Variants in PAWR observed in about 807,000 individuals in gnomAD.
The protein encoded by PAWR is pro-apoptotic WT1 regulator.
PAWR carries 23 observed loss-of-function variants against 32.0 expected under a neutral mutation model. The observed-to-expected ratio is 0.72, with a 90% CI of 0.52 to 1.02. PAWR has a LOEUF of 1.02. Among genes scored for constraint, PAWR ranks in the 50% least tolerant of loss-of-function variants. The pLI is 0.00. For synonymous variants in PAWR, 226 were observed against 187.1 expected (o/e 1.21, Z -1.70); for missense variants, 457 against 437.7 (o/e 1.04, Z -0.39).
chr12:79,609,720 G>A (rs111292318), intron 4 of PAWR, among the ~76,000 whole-genome samples: 1,691 of 151,946 alleles, frequency 0.011, 40 homozygotes, highest in African/African-American at 0.038. Flanking sequence ...CCTTCAATTC[G>A]TTCATGTGAC....
In PAWR at chr12:79,594,331, T is replaced by A. The variant is rs757556515; in HGVS notation, c.934A>T (p.Arg312Ter). Residue 312 changes from arginine to a stop codon, truncating the protein, a stop_gained and splice_region_variant, in exon 6 of 7, where the codon AGA becomes TGA. Transcript: ENST00000328827. LOFTEE classifies it high-confidence loss of function. ...CTGAAATATGGTGAAATACTTACTC[T>A]ATTTAATAAATCAATTTCTTCTTTG... Reference protein sequence around the residue: ...KLKEEIDLLNRDLDDIEDENE... With the variant: ...KLKEEIDLLN 2 of 1,350,804 alleles carry A rather than the reference T, an allele frequency of 1.5e-6. No homozygotes were observed. The highest frequency in any genetic ancestry group is 2.5e-5 in the South Asian group (2 of 79,374). 83.7% of individuals were successfully genotyped at this position (1,350,804 alleles called of 1,614,324 possible). A position where few individuals can be genotyped will look rare whatever the true frequency, so the allele number is the denominator to read the frequency against.
intron 2 of PAWR, among the ~76,000 whole-genome samples, chr12:79,627,952 C>T (rs533923029): frequency 2.8e-4 from 43 of 152,198 alleles, no homozygotes; most frequent in Admixed American, 8.5e-4. Context: ...CTGCACCAAG[C>T]GGACCTAATA....
chr12:79,646,072 T>A (rs540168963), intron 2 of PAWR, among the ~76,000 whole-genome samples: 1 of 152,330 alleles, frequency 6.6e-6, no homozygotes, highest in East Asian at 1.9e-4. Context: ...TTCGGATTTG[T>A]GTTTTTTTCA....
At chr12:79,638,862 TCATATATATATA>T (rs1220662979) in intron 2 of PAWR, among the ~76,000 whole-genome samples, 4 of 25,426 alleles carry the variant, frequency 1.6e-4, no homozygotes, top group African/African-American at 6.6e-4. Flanking sequence ...TGAGATGGAG[TCATATATATATA>T]TATATATATA....
intron 3 of PAWR, among the ~76,000 whole-genome samples, chr12:79,614,801 G>T (rs1456792142): frequency 1.3e-5 from 2 of 152,180 alleles, no homozygotes; most frequent in Non-Finnish European, 2.9e-5. Context: ...TGCATGATGC[G>T]ATAAAAGACT....
chr12:79,596,713 C>G (rs115928733), intron 4 of PAWR, 55 bp from the exon 5 acceptor site: 1 of 1,190,544 alleles, frequency 8.4e-7, no homozygotes, highest in East Asian at 2.6e-5. Context: ...AGAAAAATGC[C>G]AAGAATATTT....
chr12:79,687,531 T>C (rs1878741694), intron 2 of PAWR, among the ~76,000 whole-genome samples: 4 of 152,188 alleles, frequency 2.6e-5, no homozygotes, highest in African/African-American at 9.6e-5. Context: ...TTAGATAAAA[T>C]AAAGTCTACT....
chr12:79,644,925 C>T (rs904195645), intron 2 of PAWR, among the ~76,000 whole-genome samples: 1 of 152,006 alleles, frequency 6.6e-6, no homozygotes, highest in Non-Finnish European at 1.5e-5. Flanking sequence ...AACCCTAACT[C>T]AACAGTCCAG....
At chr12:79,678,366 T>A (rs937624083) in intron 2 of PAWR, among the ~76,000 whole-genome samples, 1 of 152,230 alleles carries the variant, frequency 6.6e-6, no homozygotes, top group South Asian at 2.1e-4. Context: ...TCCATATCAA[T>A]CCTCTTTAAC....
chr12:79,625,658 A>C (rs1875260045), intron 2 of PAWR, among the ~76,000 whole-genome samples: 1 of 152,122 alleles, frequency 6.6e-6, no homozygotes, highest in Admixed American at 6.5e-5. Context: ...GCCTCTACTA[A>C]AAATACAAAA....
intron 4 of PAWR, among the ~76,000 whole-genome samples, chr12:79,610,196 C>A (rs1295726977): frequency 6.6e-6 from 1 of 152,198 alleles, no homozygotes; most frequent in South Asian, 2.1e-4. Flanking sequence ...TACTGAGGTA[C>A]CTGGTAGATG....
chr12:79,619,327 T>C (rs1314569673), intron 3 of PAWR, among the ~76,000 whole-genome samples: 3 of 152,198 alleles, frequency 2.0e-5, no homozygotes, highest in Non-Finnish European at 4.4e-5. Context: ...TACTTGATAA[T>C]TGCCCCAAAG....
intron 2 of PAWR, among the ~76,000 whole-genome samples, chr12:79,645,361 T>C (rs1876525672): frequency 6.6e-6 from 1 of 152,176 alleles, no homozygotes; most frequent in South Asian, 2.1e-4. Flanking sequence ...ACTAAGAGTG[T>C]GATGAACAGA....
intron 2 of PAWR, among the ~76,000 whole-genome samples, chr12:79,677,992 C>G (rs146501132): frequency 3.3e-5 from 5 of 152,260 alleles, no homozygotes; most frequent in Admixed American, 3.3e-4. Flanking sequence ...CCCTCTACCC[C>G]CAAACACTCA....
At chr12:79,664,662 G>GGGC (rs1555177491) in intron 2 of PAWR, among the ~76,000 whole-genome samples, 3 of 146,410 alleles carry the variant, frequency 2.0e-5, no homozygotes, top group African/African-American at 7.8e-5. Flanking sequence ...CTTTGGCGGG[G>GGGC]GGGGGAGGAG....
In PAWR at chr12:79,588,690, C is replaced by G. The variant is rs1873457848; in HGVS notation, c.*3917G>C. On this transcript the variant is annotated 3_prime_UTR_variant, in exon 7 of 7. Coordinates refer to ENST00000328827, the MANE Select transcript of PAWR (RefSeq NM_002583.4). The stretch of plus-strand genomic sequence containing the variant: ...CATTTATTTAAAGATTCTGTAACAC[C>G]TGTAATAGTATTTAATACAGCTCCC... 6.6e-6 allele frequency: 1 copy of G among 151,780 alleles called. No homozygotes were observed. The highest frequency in any genetic ancestry group is 2.1e-4 in the South Asian group (1 of 4,820). 9.4% of individuals were successfully genotyped at this position (151,780 alleles called of 1,614,324 possible).
rs143282488 is a variant in PAWR at position 79,616,680 on chromosome 12, T to C, written c.649-3071A>G. Among the ~76,000 whole-genome samples, 133 of 152,324 alleles carry C rather than the reference T, an allele frequency of 8.7e-4. 2 individuals carry two copies. The East Asian group carries it at 0.02, about 23-fold the overall frequency. On this transcript the variant is annotated intron_variant, in intron 3 of 6. Coordinates refer to ENST00000328827, the MANE Select transcript of PAWR (RefSeq NM_002583.4). ...TTAAGTATGCTAACCAGAAGTCATG[T>C]AAAAATATCAGATTTCTACATTTCT...
chr12:79,639,829 T>TTTTTA lies in PAWR; in HGVS notation c.517-18623_517-18622insTAAAA, dbSNP rs1566014245. ...CCATTCCATTCCTTTTCCTTTTCCTTTTCCATTCCTATTCCTATTCCTATT... is the reference window on the plus strand; with the variant it reads ...CCATTCCATTCCTTTTCCTTTTCCTTTTTTATTCCATTCCTATTCCTATTCCTATT... On this transcript the variant is annotated intron_variant, in intron 2 of 6. Coordinates refer to ENST00000328827, the MANE Select transcript of PAWR (RefSeq NM_002583.4). Among the ~76,000 whole-genome samples, 147 of 115,058 alleles carry TTTTTA rather than the reference T, an allele frequency of 1.3e-3. 1 individual carries two copies. The highest frequency in any genetic ancestry group is 2.8e-3 in the Admixed American group (33 of 11,812). The allele number at this position is 115,058 out of a possible 152,430, so 75.5% of individuals were successfully genotyped here.
chr12:79,668,285 A>G (rs1877710263), intron 2 of PAWR: 1 of 152,226 alleles, frequency 6.6e-6, no homozygotes, highest in Non-Finnish European at 1.5e-5. Flanking sequence ...CCTTACGCCT[A>G]AGGGCATTAA....
Sources: allele counts gnomAD v4.1 joint callset (sites outside exome capture counted in the v4.1 genomes callset), GRCh38; gene constraint gnomAD v4.1.1; transcripts MANE v1.5; gene names NCBI Gene and HGNC (gene_info 2026-07-23, HGNC 2026-07-21).